The following UBD variants were observed in gnomAD, a reference collection of about 807,000 sequenced individuals.
UBD encodes ubiquitin D.
A neutral mutation model predicts 2.3 loss-of-function variants in UBD; 1 was observed. The ratio of observed to expected loss-of-function variants is 0.43; its 90% CI spans 0.15 to 2.06. UBD has a LOEUF of 2.06. UBD is among the 30% of genes most tolerant of loss of function. The probability of loss-of-function intolerance (pLI) is 0.29; values close to 1 mark genes in which losing one functional copy is unlikely to be tolerated. For synonymous variants in UBD, 75 were observed against 76.5 expected, an observed-to-expected ratio of 0.98 and a Z score of 0.10; for missense variants, 175 against 199.3, an observed-to-expected ratio of 0.88 and a Z score of 0.73.
chr6:29,556,438 ACTAT>A (rs1366559416), intron 1 of UBD, 88 bp from the exon 2 acceptor site: 5 of 928,294 alleles, frequency 5.4e-6, no homozygotes, highest in Non-Finnish European at 8.2e-6. Context: ...CCCCTCTTCC[ACTAT>A]CTATCTGGTC....
chr6:29,558,676 G>C (rs1023027328), intron 1 of UBD, among the ~76,000 whole-genome samples: 17 of 152,214 alleles, frequency 1.1e-4, no homozygotes, highest in Admixed American at 1.1e-3. Flanking sequence ...TTCTGAACCA[G>C]TGAGGCGCCC....
Position 29,555,965 on chromosome 6 carries a change from C to T in UBD, c.413G>A (p.Arg138Lys), listed in dbSNP as rs200363304. The change falls in exon 2 of 2, where the codon AGA (arginine) becomes AAA (lysine). Residue 138 changes from arginine (R) to lysine (K), a missense_variant. Physicochemically the swap from Arg to Lys is conservative, Grantham distance 26 (BLOSUM62 2). Coordinates refer to ENST00000377050, the MANE Select transcript of UBD (RefSeq NM_006398.4). ...ETQIVTCNGKRLEDGKMMADY... is the reference protein window; with the variant it reads ...ETQIVTCNGKKLEDGKMMADY... ...TGCCATCATCTTCCCATCTTCCAGT[C>T]TCTTTCCATTGCAAGTCACAATCTG... The T allele has an allele frequency of 7.9e-5, 127 of 1,613,124 alleles. No homozygotes were observed. The highest frequency in any genetic ancestry group is 8.9e-5 in the Non-Finnish European group (105 of 1,180,044).
intron 1 of UBD, 147 bp downstream of exon 1, chr6:29,559,528 A>G (rs187823508): frequency 6.9e-6 from 5 of 722,648 alleles, no homozygotes; most frequent in African/African-American, 1.7e-5. Context: ...CCATTCTGCA[A>G]ATGTCAATGC....
Position 29,556,144 on chromosome 6 carries a change from C to T in UBD, c.234G>A (p.Leu78=), listed in dbSNP as rs752358128. The change falls in exon 2 of 2, where the codon CTG becomes CTA. Residue 78 remains leucine (L), a synonymous_variant. Coordinates refer to ENST00000377050, the MANE Select transcript of UBD (RefSeq NM_006398.4). ...CCTCATCACTGGGCTTCACCACTTT[C>T]AGGGTAAGGTGGATGGTCTTCTCTT... The part of the protein sequence containing the change: ...IDKEKTIHLT[L]KVVKPSDEEL... The T allele has an allele frequency of 2.5e-6, 4 of 1,613,132 alleles. No individual in the cohort carries two copies. The highest frequency in any genetic ancestry group is 3.4e-6 in the Non-Finnish European group (4 of 1,180,046).
chr6:29,556,397 T>TAG, intron 1 of UBD, 47 bp from the exon 2 acceptor site: 1 of 1,439,512 alleles, frequency 6.9e-7, no homozygotes, highest in Non-Finnish European at 9.6e-7. Context: ...GCCTGCCTCC[T>TAG]TTACACTTCT....
At chr6:29,557,144 CAA>C (rs1449275816) in intron 1 of UBD, 1 of 152,144 alleles carries the variant, frequency 6.6e-6, no homozygotes, top group Non-Finnish European at 1.5e-5. Flanking sequence ...CTATAACAGG[CAA>C]AAGTTAAGTC....
Position 29,555,755 on chromosome 6 carries a change from C to A in UBD, c.*125G>T. ...TATACTTCATCCTACCCATCCCACC[C>A]AAATCTTACTCTACTCATCTCATTC... is the stretch of plus-strand genomic sequence containing the variant. On this transcript the variant is annotated 3_prime_UTR_variant, in exon 2 of 2. Coordinates refer to ENST00000377050, the MANE Select transcript of UBD (RefSeq NM_006398.4). 1 of 717,524 alleles carries A rather than the reference C, an allele frequency of 1.4e-6. No homozygotes were observed. Among genetic ancestry groups the A allele is most frequent in the African/African-American group, 1.8e-5 (1 of 55,876 alleles). 44.4% of individuals were successfully genotyped at this position (717,524 alleles called of 1,614,324 possible). A position where few individuals can be genotyped will look rare whatever the true frequency, so the allele number is the denominator to read the frequency against.
rs1438017034 is a variant in UBD at position 29,556,300 on chromosome 6, T to C, written c.78A>G (p.Pro26=). ...CTTTGATTTTTTTCACGCTGTCATA[T>C]GGGTTGGCATCAAAGGTCATTAAAT... ...EWDLMTFDAN[P]YDSVKKIKEH... The change falls in exon 2 of 2, where the codon CCA becomes CCG. Residue 26 remains proline, a synonymous_variant. Coordinates refer to ENST00000377050, the MANE Select transcript of UBD (RefSeq NM_006398.4). 1.2e-6 allele frequency: 2 copies of C among 1,613,030 alleles called. No homozygotes were observed. The highest frequency in any genetic ancestry group is 1.6e-4 in the Middle Eastern group (1 of 6,062).
At position 29,556,360 on chromosome 6, in the gene UBD, G is replaced by A. The variant is rs1762522283; in HGVS notation, c.28-10C>T. ...CGGAACGGACATGCACCTGGGAAGT[G>A]AAAGCCACAAGACAGTTACCTAGGA... On this transcript the variant is annotated splice_polypyrimidine_tract_variant and intron_variant, in intron 1 of 1. Coordinates refer to ENST00000377050, the MANE Select transcript of UBD (RefSeq NM_006398.4). 1 of 1,604,306 alleles carries A rather than the reference G, an allele frequency of 6.2e-7. No homozygotes were observed. The highest frequency in any genetic ancestry group is 1.1e-5 in the South Asian group (1 of 90,720).
chr6:29,557,807 T>C (rs1762601532), intron 1 of UBD: 1 of 152,230 alleles, frequency 6.6e-6, no homozygotes, highest in Admixed American at 6.5e-5. Context: ...TGACAATCTT[T>C]ACATTTCGTT....
Position 29,558,873 on chromosome 6 carries a change from A to G in UBD, c.27+802T>C, listed in dbSNP as rs192715534. 1.5e-3 allele frequency among the ~76,000 whole-genome samples: 225 copies of G among 152,338 alleles called. 2 individuals carry two copies. Among genetic ancestry groups the G allele is most frequent in the African/African-American group, 4.6e-3 (192 of 41,590 alleles). The stretch of plus-strand genomic sequence containing the variant: ...CCATTCCTTGGAATCCATGAGGCCA[A>G]GAACCCCAGGTCAGAGAACACGAGG... On this transcript the variant is annotated intron_variant, in intron 1 of 1. Transcript: ENST00000377050.
intron 1 of UBD, 138 bp downstream of exon 1, chr6:29,559,537 G>T (rs1179983870): frequency 2.6e-6 from 2 of 768,290 alleles, no homozygotes; most frequent in Non-Finnish European, 4.3e-6. Flanking sequence ...AAATGTCAAT[G>T]CCAGCCTCTT....
chr6:29,559,443 T>C (rs1054843349), intron 1 of UBD, among the ~76,000 whole-genome samples: 1 of 151,950 alleles, frequency 6.6e-6, no homozygotes, highest in Non-Finnish European at 1.5e-5. Context: ...TCCCTAAGAG[T>C]AGCTAGTCCA....
At position 29,556,223 on chromosome 6, in the gene UBD, AGCAAAAGAACCTGGTCCT is replaced by A. The variant is rs1334500832; in HGVS notation, c.137_154del (p.Gln46_Leu51del). The A allele has an allele frequency of 4.3e-6, 7 of 1,613,122 alleles. No individual in the cohort carries two copies. Among genetic ancestry groups the A allele is most frequent in the Non-Finnish European group, 5.9e-6 (7 of 1,180,034 alleles). On this transcript the variant is annotated inframe_deletion, in exon 2 of 2. Transcript: ENST00000377050. ...CCGTGGCTTTAAGATCTTGGAGCCC[AGCAAAAGAACCTGGTCCT>A]GCACAGGAACCTTGGTCTTAGACCG...
chr6:29,559,575 C>T (rs1265442151), intron 1 of UBD, 100 bp downstream of exon 1: 17 of 1,296,322 alleles, frequency 1.3e-5, no homozygotes, highest in African/African-American at 2.9e-5. Context: ...CCCAGCCCCC[C>T]AGAGCCCTGA....
chr6:29,558,693 G>A (rs533048184), intron 1 of UBD, among the ~76,000 whole-genome samples: 64 of 152,156 alleles, frequency 4.2e-4, no homozygotes, highest in Admixed American at 6.5e-4. Flanking sequence ...GCCCATTGCC[G>A]CTCCTGATTG....
chr6:29,555,933 C>T lies in UBD; in HGVS notation c.445G>A (p.Gly149Ser), dbSNP rs544222490. The stretch of plus-strand genomic sequence containing the variant: ...AAGAGTAAGTTGCCCTTTCTGATGC[C>T]GTAATCTGCCATCATCTTCCCATCT... ...LEDGKMMADYGIRKGNLLFLA... is the reference protein window; with the variant it reads ...LEDGKMMADYSIRKGNLLFLA... Residue 149 changes from glycine (G) to serine (S), a missense_variant, in exon 2 of 2, where the codon GGC (glycine) becomes AGC (serine). By Grantham distance (56) the Gly-to-Ser change is moderately conservative. Transcript: ENST00000377050. The T allele has an allele frequency of 1.7e-4, 268 of 1,613,056 alleles. 6 individuals are homozygous for T. In the South Asian group the frequency reaches 2.1e-3, roughly 13 times the overall value.
rs1215199312 is a variant in UBD, at chr6:29,556,508, G to A, written c.28-158C>T. The A allele has an allele frequency of 5.2e-6, 3 of 579,234 alleles. No homozygotes were observed. The South Asian group carries it at 7.2e-5, about 14-fold the overall frequency. The allele number at this position is 579,234 out of a possible 1,614,324, so 35.9% of individuals were successfully genotyped here. ...TCTCTTTCTTGGAACTTCTTTTTTG[G>A]AATTACCAAGTTACAACACAAATAA... On this transcript the variant is annotated intron_variant, in intron 1 of 1. Transcript: ENST00000377050.
At chr6:29,558,730 C>G (rs796361665) in intron 1 of UBD, among the ~76,000 whole-genome samples, 1 of 152,222 alleles carries the variant, frequency 6.6e-6, no homozygotes, top group Non-Finnish European at 1.5e-5. Context: ...TTGTTCTGCA[C>G]GGCTAAGTGC....
Sources: allele counts gnomAD v4.1 joint callset (sites outside exome capture counted in the v4.1 genomes callset), GRCh38; gene constraint gnomAD v4.1.1; transcripts MANE v1.5; gene names NCBI Gene and HGNC (gene_info 2026-07-23, HGNC 2026-07-21).